OLAH: variants seen among roughly 807,000 people sequenced by gnomAD.
The protein encoded by OLAH is S-acyl fatty acid synthase thioesterase, medium chain.
In OLAH, 33 loss-of-function variants were observed where a neutral mutation model predicts 27.8. The ratio of observed to expected loss-of-function variants is 1.19; its 90% CI spans 0.90 to 1.59. The LOEUF (loss-of-function observed/expected upper bound fraction) is 1.59, where lower values mean the gene tolerates loss of function less well. OLAH is among the 40% of genes most tolerant of loss of function. The probability of loss-of-function intolerance (pLI) is 0.00; values close to 1 mark genes in which losing one functional copy is unlikely to be tolerated. For missense variants in OLAH, 359 were observed against 310.8 expected, an observed-to-expected ratio of 1.16 and a Z score of -1.17; for synonymous variants, 120 against 102.9, an observed-to-expected ratio of 1.17 and a Z score of -1.01.
intron 1 of OLAH, among the ~76,000 whole-genome samples, chr10:15,034,368 G>T (rs1843808358): frequency 2.6e-5 from 4 of 151,972 alleles, no homozygotes; most frequent in Admixed American, 2.6e-4. Context: ...CCTGACCTCA[G>T]GTGATCTGCC....
chr10:15,061,774 G>C lies in OLAH; in HGVS notation c.214G>C (p.Glu72Gln), dbSNP rs1844369284. ...AGAAAGCAGAGTTGAAGAACCTCTT[G>C]AAAATGACATCTCCCAGTTAGTTGA... The part of the protein sequence containing the change: ...GRESRVEEPL[E>Q]NDISQLVDEV... The change falls in exon 4 of 8, where the codon GAA (glutamate) becomes CAA (glutamine). Residue 72 changes from glutamate to glutamine, a missense_variant. Glu to Gln is a conservative substitution (Grantham distance 29). Coordinates refer to ENST00000378228, the MANE Select transcript of OLAH (RefSeq NM_001039702.3). 1 of 1,613,612 alleles carries C rather than the reference G, an allele frequency of 6.2e-7. No individual in the cohort carries two copies. The highest frequency in any genetic ancestry group is 1.7e-5 in the Admixed American group (1 of 59,878).
At chr10:15,069,502 TG>T (rs1411978456) in intron 6 of OLAH, among the ~76,000 whole-genome samples, 3 of 152,202 alleles carry the variant, frequency 2.0e-5, no homozygotes, top group African/African-American at 7.2e-5. Context: ...AACTGCCCTG[TG>T]GAGGTGTCTC....
intron 2 of OLAH, among the ~76,000 whole-genome samples, chr10:15,048,998 G>A (rs936034072): frequency 3.3e-5 from 5 of 152,014 alleles, no homozygotes; most frequent in African/African-American, 7.3e-5. Flanking sequence ...AACTACATGG[G>A]AGGCTGACGC....
chr10:15,067,208 A>G (rs1241648525), intron 6 of OLAH, among the ~76,000 whole-genome samples: 2 of 152,368 alleles, frequency 1.3e-5, no homozygotes, highest in East Asian at 1.9e-4. Flanking sequence ...CACCATGGAC[A>G]TTCAATGCAA....
chr10:15,045,447 G>T (rs1843996703), intron 1 of OLAH, among the ~76,000 whole-genome samples: 1 of 152,176 alleles, frequency 6.6e-6, no homozygotes, highest in Non-Finnish European at 1.5e-5. Context: ...CATTACCTAA[G>T]AAGGAACTAT....
intron 4 of OLAH, 155 bp downstream of exon 4, chr10:15,062,017 A>G (rs561347317): frequency 5.9e-6 from 4 of 680,258 alleles, no homozygotes; most frequent in Admixed American, 3.2e-5. Context: ...ACAATTCACC[A>G]GTTTGTATGG....
intron 1 of OLAH, among the ~76,000 whole-genome samples, chr10:15,033,297 T>G (rs1009172271): frequency 2.0e-5 from 3 of 152,196 alleles, no homozygotes; most frequent in African/African-American, 7.2e-5. Context: ...ATTTCTGGAC[T>G]GACTGAATTG....
At chr10:15,069,673 C>G (rs1844542575) in intron 6 of OLAH, among the ~76,000 whole-genome samples, 1 of 152,154 alleles carries the variant, frequency 6.6e-6, no homozygotes, top group Non-Finnish European at 1.5e-5. Context: ...TCGAGACCAG[C>G]CTGGCCAACA....
At chr10:15,052,546 TACAGGTGTA>T (rs1844164574) in intron 3 of OLAH, among the ~76,000 whole-genome samples, 1 of 152,174 alleles carries the variant, frequency 6.6e-6, no homozygotes, top group Non-Finnish European at 1.5e-5. Flanking sequence ...GTGCTGGGAT[TACAGGTGTA>T]AACTACAGTA....
At chr10:15,053,908 T>C (rs960729862) in intron 3 of OLAH, among the ~76,000 whole-genome samples, 8 of 152,248 alleles carry the variant, frequency 5.3e-5, no homozygotes, top group South Asian at 2.1e-4. Flanking sequence ...TTTGTTGTTG[T>C]TGTTTTTGTA....
chr10:15,072,494 T>C (rs1295720924), intron 7 of OLAH, among the ~76,000 whole-genome samples: 1 of 152,110 alleles, frequency 6.6e-6, no homozygotes, highest in Non-Finnish European at 1.5e-5. Flanking sequence ...AAAATGCAGC[T>C]TAACAGTCAA....
intron 4 of OLAH, 23 bp from the exon 5 acceptor site, chr10:15,064,380 A>G (rs10796255): frequency 0.13 from 180,300 of 1,438,158 alleles, 13,209 homozygotes; most frequent in East Asian, 0.28. Context: ...AGTTCTTGTC[A>G]TGTTTTTCTT....
chr10:15,033,503 G>T (rs1589232068), intron 1 of OLAH, among the ~76,000 whole-genome samples: 1 of 152,048 alleles, frequency 6.6e-6, no homozygotes, highest in South Asian at 2.1e-4. Flanking sequence ...GAAAGAGGGG[G>T]AGGAGAAGAA....
chr10:15,068,794 A>G (rs964823927), intron 6 of OLAH, among the ~76,000 whole-genome samples: 1 of 152,196 alleles, frequency 6.6e-6, no homozygotes, highest in Non-Finnish European at 1.5e-5. Context: ...CTGCTTTTTG[A>G]CAGGCCGTTA....
In OLAH at chr10:15,073,136, G is replaced by C. The variant is rs1589256650; in HGVS notation, c.705G>C (p.Gly235=). 9 of 1,612,842 alleles carry C rather than the reference G, an allele frequency of 5.6e-6. No homozygotes were observed. The East Asian group carries it at 2.0e-4, about 36-fold the overall frequency. Reference sequence around the variant, plus strand: ...ATGCTAAAATTTACCAGCTTCCAGGGGGTCACTTTTATCTTCTGGATCCTG... The same window carrying C: ...ATGCTAAAATTTACCAGCTTCCAGGCGGTCACTTTTATCTTCTGGATCCTG... ...SGNAKIYQLP[G]GHFYLLDPAN... Residue 235 remains glycine, a synonymous_variant, in exon 8 of 8, where the codon GGG becomes GGC. Coordinates refer to ENST00000378228, the MANE Select transcript of OLAH (RefSeq NM_001039702.3).
chr10:15,049,724 A>G lies in OLAH; in HGVS notation c.122A>G (p.His41Arg). The G allele has an allele frequency of 1.2e-6, 2 of 1,610,052 alleles. No homozygotes were observed. Among genetic ancestry groups the G allele is most frequent in the Middle Eastern group, 1.7e-4 (1 of 6,052 alleles). The stretch of plus-strand genomic sequence containing the variant: ...CCCTGGATGGGAGGTGGCTCCACTC[A>G]TTTTGCCAAATGGGGCCAAGATACT... The part of the protein sequence containing the change: ...CFPWMGGGST[H>R]FAKWGQDTHD... The change falls in exon 3 of 8, where the codon CAT becomes CGT. Residue 41 changes from histidine to arginine, a missense_variant. By Grantham distance (29) the His-to-Arg change is conservative (BLOSUM62 0). Transcript: ENST00000378228.
chr10:15,032,400 A>G (rs1189976207), intron 1 of OLAH: 1 of 150,302 alleles, frequency 6.7e-6, no homozygotes, highest in African/African-American at 2.5e-5. Context: ...CATCTATCCT[A>G]TTAGTTCTGT....
chr10:15,035,415 C>A (rs1843826627), intron 1 of OLAH, among the ~76,000 whole-genome samples: 3 of 151,764 alleles, frequency 2.0e-5, no homozygotes, highest in Admixed American at 2.0e-4. Flanking sequence ...AGGGAGGCCT[C>A]CAGAAGCCTT....
At chr10:15,054,039 A>ATTTT (rs34022567) in intron 3 of OLAH, among the ~76,000 whole-genome samples, 5 of 129,154 alleles carry the variant, frequency 3.9e-5, no homozygotes, top group East Asian at 2.3e-4. Flanking sequence ...CCTCTTAAGC[A>ATTTT]TTTTTTTTTT....
Sources: allele counts gnomAD v4.1 joint callset (sites outside exome capture counted in the v4.1 genomes callset), GRCh38; gene constraint gnomAD v4.1.1; transcripts MANE v1.5; gene names NCBI Gene and HGNC (gene_info 2026-07-23, HGNC 2026-07-21).